CCSER1: variants seen among roughly 807,000 people sequenced by gnomAD.
CCSER1 encodes the protein serine-rich coiled-coil domain-containing protein 1.
In CCSER1, 41 loss-of-function variants were observed where a neutral mutation model predicts 82.0. The ratio of observed to expected loss-of-function variants is 0.50; its 90% CI spans 0.39 to 0.65. The LOEUF (loss-of-function observed/expected upper bound fraction) is 0.65, where lower values mean the gene tolerates loss of function less well. Ranked by LOEUF, CCSER1 falls within the 30% of genes least tolerant of loss-of-function variation. The pLI, the probability that CCSER1 is intolerant of heterozygous loss-of-function variation, is 0.00. For synonymous variants in CCSER1, 414 were observed against 383.9 expected, an observed-to-expected ratio of 1.08 and a Z score of -0.92; for missense variants, 1,119 against 1,064.2, an observed-to-expected ratio of 1.05 and a Z score of -0.72.
At chr4:90,554,780 C>T (rs1269218400) in intron 5 of CCSER1, among the ~76,000 whole-genome samples, 1 of 152,150 alleles carries the variant, frequency 6.6e-6, no homozygotes, top group African/African-American at 2.4e-5. Flanking sequence ...TTTGACTTCT[C>T]ATCATACCTC....
chr4:90,949,906 C>A (rs11727332), intron 9 of CCSER1, among the ~76,000 whole-genome samples: 2,254 of 152,048 alleles, frequency 0.015, 38 homozygotes, highest in East Asian at 0.045. Context: ...CATATAGAGG[C>A]CTAAAAAGGA....
chr4:91,274,271 C>A (rs1035987939), intron 10 of CCSER1, among the ~76,000 whole-genome samples: 1 of 152,092 alleles, frequency 6.6e-6, no homozygotes, highest in Middle Eastern at 3.2e-3. Context: ...GTGTAATGAT[C>A]AAGCCAGAGT....
chr4:90,816,326 T>C (rs554855661), intron 8 of CCSER1, among the ~76,000 whole-genome samples: 1 of 152,260 alleles, frequency 6.6e-6, no homozygotes, highest in South Asian at 2.1e-4. Flanking sequence ...TCCCAAATTA[T>C]GTAAAAATTA....
chr4:91,440,129 CA>C (rs1755012602), intron 10 of CCSER1, among the ~76,000 whole-genome samples: 1 of 152,122 alleles, frequency 6.6e-6, no homozygotes, highest in Admixed American at 6.6e-5. Context: ...TAGACATCTA[CA>C]GAACTCTCCA....
intron 9 of CCSER1, among the ~76,000 whole-genome samples, chr4:91,009,943 C>A (rs558066643): frequency 6.6e-6 from 1 of 152,252 alleles, no homozygotes; most frequent in East Asian, 1.9e-4. Context: ...AGCACCATAA[C>A]AGTCTTGGGG....
At chr4:90,173,040 T>A (rs187539727) in intron 1 of CCSER1, among the ~76,000 whole-genome samples, 10 of 151,924 alleles carry the variant, frequency 6.6e-5, no homozygotes, top group Admixed American at 5.9e-4. Context: ...AAGTGGCGAT[T>A]TCAGTTTTTT....
At chr4:90,258,017 T>A (rs1380149136) in intron 1 of CCSER1, among the ~76,000 whole-genome samples, 1 of 152,148 alleles carries the variant, frequency 6.6e-6, no homozygotes, top group Non-Finnish European at 1.5e-5. Context: ...TGTGGTCCAG[T>A]CAAGTTGACA....
At chr4:91,358,782 C>T (rs1298488554) in intron 10 of CCSER1, among the ~76,000 whole-genome samples, 1 of 152,146 alleles carries the variant, frequency 6.6e-6, no homozygotes, top group Admixed American at 6.5e-5. Flanking sequence ...GTGCGCTGCT[C>T]TGGCGAGGTG....
intron 3 of CCSER1, among the ~76,000 whole-genome samples, chr4:90,357,018 T>A (rs1354990948): frequency 6.6e-6 from 1 of 151,946 alleles, no homozygotes; most frequent in Non-Finnish European, 1.5e-5. Flanking sequence ...ATAAAACTAC[T>A]TTTTGCGGGT....
At chr4:91,159,107 A>T (rs1008935952) in intron 10 of CCSER1, among the ~76,000 whole-genome samples, 3 of 151,926 alleles carry the variant, frequency 2.0e-5, no homozygotes, top group Non-Finnish European at 4.4e-5. Context: ...GAATTTTAAC[A>T]TTTGAGATGT....
Position 90,452,574 on chromosome 4 carries a change from G to A in CCSER1, c.1604-15660G>A, listed in dbSNP as rs151305082. Among the ~76,000 whole-genome samples, 654 of 152,282 alleles carry A rather than the reference G, an allele frequency of 4.3e-3. 5 individuals are homozygous for A. Among genetic ancestry groups the A allele is most frequent in the African/African-American group, 0.015 (633 of 41,562 alleles). The stretch of plus-strand genomic sequence containing the variant: ...CCTTAGGTACCCTATGGGGTGCTGG[G>A]CTGGACCTCGGGCCTGGGTTGGAAC... On this transcript the variant is annotated intron_variant, in intron 4 of 10. Transcript: ENST00000509176.
At chr4:90,810,450 C>T (rs945858519) in intron 7 of CCSER1, among the ~76,000 whole-genome samples, 6 of 152,016 alleles carry the variant, frequency 3.9e-5, no homozygotes, top group Admixed American at 6.6e-5. Context: ...GAGTTTGAGG[C>T]CAGCCTGGCC....
intron 5 of CCSER1, among the ~76,000 whole-genome samples, chr4:90,489,876 A>G (rs1307234809): frequency 6.6e-6 from 1 of 152,154 alleles, no homozygotes; most frequent in Non-Finnish European, 1.5e-5. Flanking sequence ...GCTGCATAGT[A>G]TTCCATGGTG....
At chr4:90,311,808 A>G (rs1360973011) in intron 2 of CCSER1, among the ~76,000 whole-genome samples, 2 of 152,200 alleles carry the variant, frequency 1.3e-5, no homozygotes, top group Admixed American at 6.5e-5. Context: ...AAACTAGTAG[A>G]TGAGCCTAAT....
chr4:91,516,376 AT>A (rs1433577291), intron 10 of CCSER1, among the ~76,000 whole-genome samples: 3 of 152,110 alleles, frequency 2.0e-5, no homozygotes, highest in African/African-American at 7.2e-5. Context: ...TCTTGAGTTG[AT>A]TTTTGTATAC....
intron 9 of CCSER1, among the ~76,000 whole-genome samples, chr4:91,027,294 A>G (rs1292720327): frequency 2.0e-5 from 3 of 152,056 alleles, no homozygotes; most frequent in Non-Finnish European, 4.4e-5. Flanking sequence ...ACATAATCCT[A>G]AAATTAGGAA....
chr4:90,706,462 A>C (rs1739369478), intron 6 of CCSER1, among the ~76,000 whole-genome samples: 1 of 152,156 alleles, frequency 6.6e-6, no homozygotes, highest in South Asian at 2.1e-4. Context: ...CAATTAATTA[A>C]TTAAAATTAA....
intron 3 of CCSER1, among the ~76,000 whole-genome samples, chr4:90,347,645 A>G (rs1467853568): frequency 1.3e-5 from 2 of 152,160 alleles, no homozygotes; most frequent in Non-Finnish European, 2.9e-5. Flanking sequence ...GTCATGATTT[A>G]TCAGAGGCCC....
At chr4:90,157,131 G>A (rs1460871996) in intron 1 of CCSER1, among the ~76,000 whole-genome samples, 9 of 152,188 alleles carry the variant, frequency 5.9e-5, no homozygotes, top group Admixed American at 1.3e-4. Context: ...CCTCACTTAT[G>A]AAACTTAGTT....
Sources: allele counts gnomAD v4.1 joint callset (sites outside exome capture counted in the v4.1 genomes callset), GRCh38; gene constraint gnomAD v4.1.1; transcripts MANE v1.5; gene names NCBI Gene and HGNC (gene_info 2026-07-23, HGNC 2026-07-21).